ZNF644: variants seen among roughly 807,000 people sequenced by gnomAD.
ZNF644 encodes the protein zinc finger protein 644, also known as zinc finger motif enhancer binding protein 2.
In ZNF644, 20 loss-of-function variants were observed where a neutral mutation model predicts 108.0. That is an observed-to-expected ratio of 0.19 (90% CI 0.13 to 0.27). ZNF644 has a LOEUF of 0.27. ZNF644 is among the 10% of genes least tolerant of loss of function. The pLI, the probability that ZNF644 is intolerant of heterozygous loss-of-function variation, is 1.00. For missense variants in ZNF644, 1,338 were observed against 1,548.9 expected, an observed-to-expected ratio of 0.86 and a Z score of 2.29; for synonymous variants, 542 against 539.1, an observed-to-expected ratio of 1.01 and a Z score of -0.08.
intron 1 of ZNF644, among the ~76,000 whole-genome samples, chr1:90,982,969 T>A (rs1656712993): frequency 6.6e-6 from 1 of 151,912 alleles, no homozygotes; most frequent in East Asian, 1.9e-4. Flanking sequence ...TAGTATAAAG[T>A]GACTTCTACA....
At chr1:90,932,104 T>G (rs1011831870) in intron 4 of ZNF644, among the ~76,000 whole-genome samples, 3 of 152,198 alleles carry the variant, frequency 2.0e-5, no homozygotes, top group African/African-American at 7.2e-5. Context: ...ACAGGTATTT[T>G]GGGAAGAAGA....
Position 90,917,002 on chromosome 1 carries a change from TAAC to T in ZNF644, c.3792-15_3792-13del, listed in dbSNP as rs1557535170. The T allele has an allele frequency of 6.2e-7, 1 of 1,613,916 alleles. No homozygotes were observed. Among genetic ancestry groups the T allele is most frequent in the Admixed American group, 1.7e-5 (1 of 60,022 alleles). On this transcript the variant is annotated splice_polypyrimidine_tract_variant and intron_variant, in intron 5 of 5. Coordinates refer to ENST00000337393, the MANE Select transcript of ZNF644 (RefSeq NM_201269.3). ...CTAGGCCACAAAACCTACAGAAAGATAACAATTCTCTTAACATGACCAATTCTC... is the reference window on the plus strand; with the variant it reads ...CTAGGCCACAAAACCTACAGAAAGATAATTCTCTTAACATGACCAATTCTC...
chr1:90,953,013 G>GAAAAAAAAA (rs371575306), intron 2 of ZNF644, among the ~76,000 whole-genome samples: 1 of 94,186 alleles, frequency 1.1e-5, no homozygotes, highest in Non-Finnish European at 2.2e-5. Context: ...TTAGACTGAG[G>GAAAAAAAAA]AAAAAAAAAA....
At chr1:91,019,845 G>A (rs551508431) in intron 1 of ZNF644, among the ~76,000 whole-genome samples, 3 of 152,282 alleles carry the variant, frequency 2.0e-5, no homozygotes, top group South Asian at 2.1e-4. Flanking sequence ...GATTACAGGC[G>A]TGAGCCACCG....
chr1:90,923,178 T>G (rs1022339388), intron 4 of ZNF644, among the ~76,000 whole-genome samples: 1 of 152,132 alleles, frequency 6.6e-6, no homozygotes, highest in Non-Finnish European at 1.5e-5. Context: ...CACACTCAGT[T>G]TAATGCTCTA....
At chr1:90,979,086 C>T (rs966799038) in intron 2 of ZNF644, among the ~76,000 whole-genome samples, 2 of 152,210 alleles carry the variant, frequency 1.3e-5, no homozygotes, top group South Asian at 4.2e-4. Context: ...TTACTATAGC[C>T]AACCCAACTA....
intron 2 of ZNF644, among the ~76,000 whole-genome samples, chr1:90,969,465 T>C (rs1332622672): frequency 1.3e-5 from 2 of 152,220 alleles, no homozygotes; most frequent in Non-Finnish European, 1.5e-5. Flanking sequence ...TAGTCAACTA[T>C]GGTCTGAAAA....
chr1:91,010,159 T>C (rs937724579), intron 1 of ZNF644, among the ~76,000 whole-genome samples: 1 of 152,096 alleles, frequency 6.6e-6, no homozygotes, highest in African/African-American at 2.4e-5. Flanking sequence ...CACAATCTTA[T>C]TACTTTTTAT....
At chr1:90,964,360 G>A (rs1214322983) in intron 2 of ZNF644, among the ~76,000 whole-genome samples, 1 of 151,888 alleles carries the variant, frequency 6.6e-6, no homozygotes, top group Non-Finnish European at 1.5e-5. Flanking sequence ...ACAAAGAAGG[G>A]GATTAAGACA....
intron 2 of ZNF644, among the ~76,000 whole-genome samples, chr1:90,954,416 T>G (rs1653526179): frequency 6.6e-6 from 1 of 152,086 alleles, no homozygotes; most frequent in Non-Finnish European, 1.5e-5. Flanking sequence ...TTCCACTTTT[T>G]TTTTTTTTGA....
chr1:90,960,689 G>A (rs1654251802), intron 2 of ZNF644, among the ~76,000 whole-genome samples: 1 of 152,012 alleles, frequency 6.6e-6, no homozygotes, highest in African/African-American at 2.4e-5. Context: ...CCCAAATCCT[G>A]TAATAGGTTC....
intron 1 of ZNF644, among the ~76,000 whole-genome samples, chr1:91,002,741 C>T (rs994523142): frequency 1.3e-5 from 2 of 152,112 alleles, no homozygotes; most frequent in African/African-American, 4.8e-5. Flanking sequence ...AGTGAACAGG[C>T]AACCTACAGA....
chr1:90,946,155 T>C (rs1652494520), intron 2 of ZNF644, among the ~76,000 whole-genome samples: 1 of 152,092 alleles, frequency 6.6e-6, no homozygotes, highest in African/African-American at 2.4e-5. Context: ...TTTAAAATTA[T>C]TGTGGCATTT....
intron 1 of ZNF644, among the ~76,000 whole-genome samples, chr1:91,017,554 GT>G (rs1351470024): frequency 5.9e-5 from 9 of 152,168 alleles, no homozygotes; most frequent in Admixed American, 1.3e-4. Context: ...TCACAGGGCT[GT>G]TTTTCTTCCT....
chr1:90,975,741 G>T (rs1655944772), intron 2 of ZNF644, among the ~76,000 whole-genome samples: 1 of 152,108 alleles, frequency 6.6e-6, no homozygotes, highest in Non-Finnish European at 1.5e-5. Flanking sequence ...ACCACGCCTG[G>T]CCTCAAATAT....
At chr1:90,922,724 T>C (rs528137710) in intron 4 of ZNF644, among the ~76,000 whole-genome samples, 54 of 152,048 alleles carry the variant, frequency 3.6e-4, no homozygotes, top group Non-Finnish European at 6.9e-4. Context: ...TTTTTTTTAT[T>C]ATCTCCCTCC....
chr1:90,962,242 A>G (rs974413202), intron 2 of ZNF644, among the ~76,000 whole-genome samples: 6 of 147,082 alleles, frequency 4.1e-5, no homozygotes, highest in Non-Finnish European at 9.2e-5. Flanking sequence ...ATATAAAGAC[A>G]TTATTATTAT....
chr1:90,986,551 A>C, intron 1 of ZNF644, among the ~76,000 whole-genome samples: 1 of 152,078 alleles, frequency 6.6e-6, no homozygotes, highest in East Asian at 1.9e-4. Context: ...ACAGGGAAAA[A>C]TGACAGTTGG....
intron 1 of ZNF644, 95 bp from the exon 2 acceptor site, chr1:90,982,465 A>G (rs1311086273): frequency 2.5e-6 from 2 of 812,472 alleles, no homozygotes; most frequent in Admixed American, 2.0e-5. Context: ...ATGAAAAAAC[A>G]CAAACCAAAT....
Sources: allele counts gnomAD v4.1 joint callset (sites outside exome capture counted in the v4.1 genomes callset), GRCh38; gene constraint gnomAD v4.1.1; transcripts MANE v1.5; gene names NCBI Gene and HGNC (gene_info 2026-07-23, HGNC 2026-07-21).